The following FRMPD4 variants were observed in gnomAD, a reference collection of about 807,000 sequenced individuals.
The protein encoded by FRMPD4 is FERM and PDZ domain containing 4.
A neutral mutation model predicts 94.1 loss-of-function variants in FRMPD4; 22 were observed. The ratio of observed to expected loss-of-function variants is 0.23; its 90% confidence interval spans 0.17 to 0.33. The LOEUF is 0.33. FRMPD4 is among the 10% of genes least tolerant of loss of function. FRMPD4 has a pLI of 1.00. For missense variants in FRMPD4, 1,111 were observed against 1,339.9 expected (o/e 0.83, Z 2.67); for synonymous variants, 631 against 548.6 (o/e 1.15, Z -2.10).
In FRMPD4 at chrX:12,720,525, C is replaced by T; in HGVS notation, c.3965-9C>T. On this transcript the variant is annotated splice_polypyrimidine_tract_variant and intron_variant, in intron 16 of 16. Transcript: ENST00000675598. ...GATTCTCTCTGTTTTTCTACTACCCCTAGTGTAGCTTTGACAGAGCCTGGG... is the reference window on the plus strand; with the variant it reads ...GATTCTCTCTGTTTTTCTACTACCCTTAGTGTAGCTTTGACAGAGCCTGGG... The T allele has an allele frequency of 8.3e-7, 1 of 1,207,108 alleles. No individual in the cohort carries two copies. The highest frequency in any genetic ancestry group is 1.1e-6 in the Non-Finnish European group (1 of 892,161).
At chrX:11,952,781 G>A (rs960165461) in intron 3 of FRMPD4, among the ~76,000 whole-genome samples, 2 of 111,684 alleles carry the variant, frequency 1.8e-5, no homozygotes, top group African/African-American at 6.5e-5. Context: ...TGGGACTTTT[G>A]GGCCAAGGAT....
At chrX:12,036,510 A>G (rs1443855561) in intron 3 of FRMPD4, among the ~76,000 whole-genome samples, 2 of 112,511 alleles carry the variant, frequency 1.8e-5, no homozygotes, top group Non-Finnish European at 3.8e-5. Context: ...TTCTTTAGAA[A>G]TAATATGAAT....
At chrX:12,553,433 C>CATATATAT (rs1257665252) in intron 2 of FRMPD4, among the ~76,000 whole-genome samples, 1 of 28,753 alleles carries the variant, frequency 3.5e-5, no homozygotes, top group Non-Finnish European at 5.3e-5. Context: ...TATCCATATG[C>CATATATAT]CTATATATAT....
At chrX:12,615,811 G>C (rs2059230477) in intron 4 of FRMPD4, among the ~76,000 whole-genome samples, 1 of 110,567 alleles carries the variant, frequency 9.0e-6, no homozygotes, top group African/African-American at 3.3e-5. Context: ...GCCATTGAAA[G>C]TAATGGCAAA....
At chrX:11,861,356 CT>C (rs1344426559) in intron 1 of FRMPD4, among the ~76,000 whole-genome samples, 62 of 105,476 alleles carry the variant, frequency 5.9e-4, no homozygotes, top group Non-Finnish European at 9.8e-4. Context: ...GATTTTTTTT[CT>C]TTTTTTTTTC....
At chrX:12,086,782 G>T (rs764413710) in intron 3 of FRMPD4, among the ~76,000 whole-genome samples, 4 of 111,897 alleles carry the variant, frequency 3.6e-5, no homozygotes, top group East Asian at 5.6e-4. Flanking sequence ...AGAAGTCCAG[G>T]CAGGGCTGAG....
intron 3 of FRMPD4, among the ~76,000 whole-genome samples, chrX:11,911,007 C>T (rs1340913927): frequency 9.1e-6 from 1 of 110,459 alleles, no homozygotes; most frequent in Non-Finnish European, 1.9e-5. Context: ...TGTCATAACA[C>T]CATATATTGA....
In FRMPD4 at chrX:11,864,403, G is replaced by A. The variant is rs1408306724; in HGVS notation, c.-160-683G>A. Among the ~76,000 whole-genome samples, 3 of 109,331 alleles carry A rather than the reference G, an allele frequency of 2.7e-5. No individual in the cohort carries two copies. In the East Asian group the frequency reaches 8.8e-4, roughly 32 times the overall value. The allele number at this position is 109,331 out of a possible 115,157, so 94.9% of individuals were successfully genotyped here. On this transcript the variant is annotated intron_variant, in intron 1 of 18. Coordinates refer to the FRMPD4 transcript ENST00000640291. ...AGGAAGCCACCTAGGGGATGCCTGA[G>A]CCCACAAGACTAAGCCAAGACCAAA... is the stretch of plus-strand genomic sequence containing the variant.
At chrX:12,211,065 G>A (rs949209070) in intron 1 of FRMPD4, among the ~76,000 whole-genome samples, 4 of 112,151 alleles carry the variant, frequency 3.6e-5, no homozygotes, top group Admixed American at 9.5e-5. Flanking sequence ...TTTATTTTAC[G>A]ATCTCAGTAA....
chrX:12,561,665 G>A (rs138931346), intron 2 of FRMPD4, among the ~76,000 whole-genome samples: 115 of 112,239 alleles, frequency 1.0e-3, no homozygotes, highest in African/African-American at 3.2e-3. Flanking sequence ...AAAGTGTTGC[G>A]TGTGTTTGAA....
At chrX:12,175,296 G>A (rs2056279947) in intron 1 of FRMPD4, among the ~76,000 whole-genome samples, 1 of 111,857 alleles carries the variant, frequency 8.9e-6, no homozygotes, top group African/African-American at 3.3e-5. Context: ...GGTCTTGGGA[G>A]CTAAATTTCT....
At chrX:12,544,075 G>A (rs748466840) in intron 2 of FRMPD4, among the ~76,000 whole-genome samples, 4 of 99,073 alleles carry the variant, frequency 4.0e-5, no homozygotes, top group African/African-American at 7.5e-5. Context: ...ATCACACACC[G>A]GGGCCTGTTG....
chrX:12,666,385 A>G (rs2059780613), intron 4 of FRMPD4, among the ~76,000 whole-genome samples: 2 of 111,484 alleles, frequency 1.8e-5, no homozygotes, highest in African/African-American at 6.5e-5. Context: ...ACAGAAAATT[A>G]ACAAGGATAT....
intron 3 of FRMPD4, among the ~76,000 whole-genome samples, chrX:11,958,181 A>T (rs889193982): frequency 8.9e-6 from 1 of 111,748 alleles, no homozygotes; most frequent in Non-Finnish European, 1.9e-5. Flanking sequence ...TATGTCTTTA[A>T]CACTAGTGAT....
At chrX:12,683,669 C>G in intron 6 of FRMPD4, 82 bp downstream of exon 6, 2 of 501,605 alleles carry the variant, frequency 4.0e-6, no homozygotes, top group Non-Finnish European at 7.0e-6. Context: ...GTCAGTAGTC[C>G]CACTGGAATG....
chrX:12,706,268 A>G (rs1346128038), intron 11 of FRMPD4, among the ~76,000 whole-genome samples: 2 of 112,190 alleles, frequency 1.8e-5, no homozygotes, highest in Non-Finnish European at 3.8e-5. Flanking sequence ...CATTTCCACA[A>G]TGATTGGCTC....
intron 3 of FRMPD4, among the ~76,000 whole-genome samples, chrX:11,934,326 C>T (rs2054138656): frequency 8.9e-6 from 1 of 111,822 alleles, no homozygotes; most frequent in Non-Finnish European, 1.9e-5. Context: ...TACATAGAAA[C>T]AGGATGTTAT....
chrX:12,008,588 G>C (rs899619152), intron 3 of FRMPD4, among the ~76,000 whole-genome samples: 5 of 112,553 alleles, frequency 4.4e-5, no homozygotes, highest in Admixed American at 2.8e-4. Context: ...AGTTATGAAG[G>C]AAAATGTAAG....
chrX:12,363,160 T>C (rs906901444), intron 1 of FRMPD4, among the ~76,000 whole-genome samples: 1 of 112,438 alleles, frequency 8.9e-6, no homozygotes, highest in African/African-American at 3.2e-5. Flanking sequence ...GTAGGTTGCC[T>C]GTTCACTCTG....
Sources: allele counts gnomAD v4.1 joint callset (sites outside exome capture counted in the v4.1 genomes callset), GRCh38; gene constraint gnomAD v4.1.1; transcripts MANE v1.5; gene names NCBI Gene and HGNC (gene_info 2026-07-23, HGNC 2026-07-21).